The following RBFOX1 variants were observed in gnomAD, a reference collection of about 807,000 sequenced individuals.
RBFOX1 encodes RNA binding fox-1 homolog 1, also known as RNA binding protein fox-1 homolog 1.
Under a neutral mutation model 57.7 loss-of-function variants are expected in RBFOX1, and 8 were observed. The ratio of observed to expected loss-of-function variants is 0.14; its 90% CI spans 0.08 to 0.25. The LOEUF is 0.25. Among genes scored for constraint, RBFOX1 ranks in the 10% least tolerant of loss-of-function variants. The probability of loss-of-function intolerance (pLI) is 1.00; values close to 1 mark genes in which losing one functional copy is unlikely to be tolerated. For synonymous variants in RBFOX1, 326 were observed against 222.4 expected (o/e 1.47, Z -4.15); for missense variants, 611 against 548.5 (o/e 1.11, Z -1.14).
chr16:6,244,918 C>A (rs1050783301), intron 1 of RBFOX1, among the ~76,000 whole-genome samples: 6 of 134,582 alleles, frequency 4.5e-5, no homozygotes, highest in Non-Finnish European at 1.0e-4. Flanking sequence ...AACTGAATAC[C>A]CAGTTTTGTT....
intron 2 of RBFOX1, among the ~76,000 whole-genome samples, chr16:6,654,009 A>G (rs1264523874): frequency 6.8e-6 from 1 of 147,578 alleles, no homozygotes; most frequent in Non-Finnish European, 1.5e-5. Flanking sequence ...GGATGGATAG[A>G]GGAAGGGTGG....
chr16:6,099,260 T>C (rs781171447), intron 1 of RBFOX1, among the ~76,000 whole-genome samples: 44 of 152,190 alleles, frequency 2.9e-4, no homozygotes, highest in Non-Finnish European at 5.0e-4. Context: ...GCCATAAACA[T>C]TGGCCTGCTT....
At chr16:5,349,397 G>A (rs779805281) in intron 1 of RBFOX1, among the ~76,000 whole-genome samples, 1 of 152,156 alleles carries the variant, frequency 6.6e-6, no homozygotes, top group Admixed American at 6.5e-5. Context: ...AAGATGGCTG[G>A]GTACGGTGGC....
At chr16:6,133,507 C>G (rs575560722) in intron 1 of RBFOX1, among the ~76,000 whole-genome samples, 3 of 152,118 alleles carry the variant, frequency 2.0e-5, no homozygotes, top group African/African-American at 7.2e-5. Context: ...GTCAGTCAAC[C>G]CTGCCTTGAT....
At chr16:7,562,323 G>T (rs978206776) in intron 5 of RBFOX1, among the ~76,000 whole-genome samples, 4 of 152,130 alleles carry the variant, frequency 2.6e-5, no homozygotes, top group Middle Eastern at 3.2e-3. Context: ...GGTACCTGCC[G>T]CCTGTTCCCT....
At chr16:6,762,856 G>A (rs1267342970) in intron 3 of RBFOX1, among the ~76,000 whole-genome samples, 2 of 152,140 alleles carry the variant, frequency 1.3e-5, no homozygotes, top group African/African-American at 2.4e-5. Context: ...CTCAAAGGAG[G>A]TACCTCTCCT....
At chr16:6,391,294 G>A (rs1051866515) in intron 2 of RBFOX1, among the ~76,000 whole-genome samples, 3 of 152,102 alleles carry the variant, frequency 2.0e-5, no homozygotes, top group African/African-American at 7.2e-5. Flanking sequence ...CCGATCACGA[G>A]GTCAGGAGAT....
intron 3 of RBFOX1, among the ~76,000 whole-genome samples, chr16:6,866,890 C>T (rs566374586): frequency 6.6e-6 from 1 of 151,930 alleles, no homozygotes; most frequent in Non-Finnish European, 1.5e-5. Flanking sequence ...GTATTACTTG[C>T]CACACAAAGC....
chr16:6,120,380 T>A (rs866625979), intron 1 of RBFOX1, among the ~76,000 whole-genome samples: 1 of 152,200 alleles, frequency 6.6e-6, no homozygotes, highest in African/African-American at 2.4e-5. Context: ...CCACCCCATT[T>A]TACATTTCCA....
chr16:5,452,405 G>A (rs2068455199), intron 1 of RBFOX1, among the ~76,000 whole-genome samples: 1 of 151,556 alleles, frequency 6.6e-6, no homozygotes, highest in Non-Finnish European at 1.5e-5. Flanking sequence ...TACTACACCC[G>A]GGCTGATTCA....
intron 3 of RBFOX1, among the ~76,000 whole-genome samples, chr16:6,766,766 C>G (rs571909466): frequency 2.0e-5 from 3 of 152,146 alleles, no homozygotes; most frequent in South Asian, 4.2e-4. Context: ...GGAATTTACA[C>G]CAGTGATGGT....
intron 4 of RBFOX1, among the ~76,000 whole-genome samples, chr16:5,996,132 G>C (rs547346580): frequency 6.6e-6 from 1 of 152,222 alleles, no homozygotes; most frequent in African/African-American, 2.4e-5. Context: ...ATCAACTTTG[G>C]TGTTGGGATT....
At chr16:6,729,014 A>G (rs185988515) in intron 3 of RBFOX1, among the ~76,000 whole-genome samples, 293 of 152,292 alleles carry the variant, frequency 1.9e-3, no homozygotes, top group Non-Finnish European at 3.6e-3. Context: ...CAGTCAACAA[A>G]TCATACGGGG....
intron 1 of RBFOX1, 48 bp from the exon 2 acceptor site, chr16:6,316,947 A>C (rs1482817578): frequency 3.3e-6 from 5 of 1,496,858 alleles, no homozygotes; most frequent in Non-Finnish European, 4.5e-6. Context: ...GACAAAATTC[A>C]AGAATACATT....
chr16:7,559,456 C>G (rs993752928), intron 5 of RBFOX1, among the ~76,000 whole-genome samples: 1 of 152,142 alleles, frequency 6.6e-6, no homozygotes, highest in Non-Finnish European at 1.5e-5. Context: ...TCACCTGCCT[C>G]CAACCCCAAC....
At chr16:6,631,247 G>A (rs1016785588) in intron 2 of RBFOX1, among the ~76,000 whole-genome samples, 4 of 152,032 alleles carry the variant, frequency 2.6e-5, no homozygotes, top group Non-Finnish European at 4.4e-5. Flanking sequence ...ATAAGGACAA[G>A]TAAAGGGATG....
At chr16:5,447,412 A>ATCTCTCTCTCTCTCTCTC (rs1412615400) in intron 1 of RBFOX1, among the ~76,000 whole-genome samples, 1 of 71,238 alleles carries the variant, frequency 1.4e-5, no homozygotes, top group Admixed American at 1.3e-4. Flanking sequence ...CTCTCTCTCG[A>ATCTCTCTCTCTCTCTCTC]CGCAGTCTTG....
chr16:6,971,900 C>G (rs1256234331), intron 3 of RBFOX1, among the ~76,000 whole-genome samples: 1 of 152,030 alleles, frequency 6.6e-6, no homozygotes, highest in African/African-American at 2.4e-5. Context: ...CATCAGCAGC[C>G]TCAGTGGGGT....
intron 3 of RBFOX1, among the ~76,000 whole-genome samples, chr16:5,720,117 G>C (rs2051873048): frequency 6.6e-6 from 1 of 152,148 alleles, no homozygotes; most frequent in Non-Finnish European, 1.5e-5. Context: ...GGCCATCTTA[G>C]TGAGTGTGAA....
Sources: allele counts gnomAD v4.1 joint callset (sites outside exome capture counted in the v4.1 genomes callset), GRCh38; gene constraint gnomAD v4.1.1; transcripts MANE v1.5; gene names NCBI Gene and HGNC (gene_info 2026-07-23, HGNC 2026-07-21).